SPINK1: variants seen among roughly 807,000 people sequenced by gnomAD.
SPINK1 encodes serine peptidase inhibitor Kazal type 1.
Under a neutral mutation model 9.5 loss-of-function variants are expected in SPINK1, and 5 were observed. The observed-to-expected ratio is 0.52, with a 90% confidence interval of 0.27 to 1.10. SPINK1 has a LOEUF of 1.10. Ranked by LOEUF, SPINK1 falls within the 50% of genes least tolerant of loss-of-function variation. The pLI is 0.11. For synonymous variants in SPINK1, 37 were observed against 32.3 expected, an observed-to-expected ratio of 1.14 and a Z score of -0.49; for missense variants, 88 against 92.7, an observed-to-expected ratio of 0.95 and a Z score of 0.21.
chr5:147,828,220 A>T, intron 2 of SPINK1, 92 bp from the exon 3 acceptor site: 5 of 943,082 alleles, frequency 5.3e-6, no homozygotes, highest in Non-Finnish European at 8.3e-6. Flanking sequence ...TCTCTGGGGA[A>T]TAACTGTGAT....
intron 3 of SPINK1, among the ~76,000 whole-genome samples, chr5:147,825,402 T>C (rs1276902397): frequency 6.6e-6 from 1 of 151,834 alleles, no homozygotes; most frequent in Admixed American, 6.6e-5. Context: ...ACATCTGACT[T>C]CCATATACTT....
At chr5:147,825,416 T>C (rs1330482443) in intron 3 of SPINK1, among the ~76,000 whole-genome samples, 9 of 150,968 alleles carry the variant, frequency 6.0e-5, no homozygotes, top group African/African-American at 2.2e-4. Flanking sequence ...TATACTTTTT[T>C]TTCTTTTTTT....
upstream of SPINK1, among the ~76,000 whole-genome samples, chr5:147,833,749 G>T (rs1227904185): frequency 6.6e-6 from 1 of 152,148 alleles, no homozygotes; most frequent in South Asian, 2.1e-4. Context: ...GGCCCATAGG[G>T]ATCTTTATGG....
At chr5:147,831,486 C>T in intron 1 of SPINK1, 37 bp downstream of exon 1, 1 of 1,611,944 alleles carries the variant, frequency 6.2e-7, no homozygotes, top group Non-Finnish European at 8.5e-7. Context: ...CAGGTCAAAA[C>T]AGTTTTATTT....
intron 3 of SPINK1, among the ~76,000 whole-genome samples, chr5:147,826,259 C>A (rs1292689554): frequency 6.6e-6 from 1 of 152,150 alleles, no homozygotes; most frequent in Non-Finnish European, 1.5e-5. Context: ...GCTTTAGTTA[C>A]TAGGTAATAA....
At chr5:147,832,700 C>T (rs1015069231), upstream of SPINK1, among the ~76,000 whole-genome samples, 5 of 152,124 alleles carry the variant, frequency 3.3e-5, no homozygotes, top group Non-Finnish European at 7.4e-5. Context: ...GAACAAATTC[C>T]AATACTCTGG....
chr5:147,830,948 C>A (rs947320255), intron 1 of SPINK1, among the ~76,000 whole-genome samples: 1 of 152,166 alleles, frequency 6.6e-6, no homozygotes, highest in South Asian at 2.1e-4. Context: ...ACACAAAATG[C>A]AATTTTTGTA....
intron 3 of SPINK1, 43 bp downstream of exon 3, chr5:147,827,979 A>T: frequency 6.9e-7 from 1 of 1,453,554 alleles, no homozygotes; most frequent in Non-Finnish European, 9.5e-7. Context: ...AAGATAACTA[A>T]CTTAAAATAT....
the SPINK1 span, among the ~76,000 whole-genome samples, chr5:147,837,657 C>CTTT: frequency 1.1e-5 from 1 of 89,186 alleles, no homozygotes; most frequent in Non-Finnish European, 2.4e-5. Context: ...TCTTTTCTTT[C>CTTT]TTTCTTTCTT....
upstream of SPINK1, among the ~76,000 whole-genome samples, chr5:147,833,617 C>G (rs535346438): frequency 6.6e-5 from 10 of 152,278 alleles, no homozygotes; most frequent in South Asian, 2.1e-3. Context: ...GGACACTTCT[C>G]ATTAGCTTCC....
chr5:147,837,686 T>TTTCTTTCTTTCTTTC, the SPINK1 span, among the ~76,000 whole-genome samples: 2 of 147,884 alleles, frequency 1.4e-5, no homozygotes, highest in Non-Finnish European at 3.0e-5. Flanking sequence ...TCTTTCTTTC[T>TTTCTTTCTTTCTTTC]TTCTTTCTTT....
intron 3 of SPINK1, among the ~76,000 whole-genome samples, chr5:147,825,366 T>C (rs1431991212): frequency 6.6e-6 from 1 of 152,146 alleles, no homozygotes; most frequent in Admixed American, 6.5e-5. Flanking sequence ...CTTACAAAAA[T>C]TCTTCTACTT....
intron 3 of SPINK1, among the ~76,000 whole-genome samples, chr5:147,825,063 T>C (rs1485166765): frequency 1.3e-5 from 2 of 152,194 alleles, no homozygotes; most frequent in Non-Finnish European, 2.9e-5. Context: ...CCATCTCAGC[T>C]GATGCCTGAG....
chr5:147,830,316 G>A, intron 1 of SPINK1, among the ~76,000 whole-genome samples: 1 of 152,124 alleles, frequency 6.6e-6, no homozygotes, highest in East Asian at 1.9e-4. Context: ...AAATAGCAGA[G>A]GTTTTGCTGA....
intron 1 of SPINK1, among the ~76,000 whole-genome samples, chr5:147,830,932 G>A (rs1215752311): frequency 6.6e-6 from 1 of 152,030 alleles, no homozygotes; most frequent in African/African-American, 2.4e-5. Context: ...AATGTGTAAT[G>A]TAAATACACA....
At chr5:147,835,696 T>C (rs1361181995), upstream of SPINK1, among the ~76,000 whole-genome samples, 4 of 152,110 alleles carry the variant, frequency 2.6e-5, no homozygotes, top group East Asian at 7.7e-4. Flanking sequence ...TAATACATGT[T>C]GGAATGGGGA....
chr5:147,836,656 A>T (rs1425505752), upstream of SPINK1, among the ~76,000 whole-genome samples: 1 of 151,826 alleles, frequency 6.6e-6, no homozygotes, highest in African/African-American at 2.4e-5. Context: ...AAAGAATTGC[A>T]TCACACACTA....
chr5:147,831,811 G>T (rs1283850632), upstream of SPINK1: 6 of 1,389,664 alleles, frequency 4.3e-6, no homozygotes, highest in East Asian at 1.6e-4. Flanking sequence ...CCTGAAACAT[G>T]CAAGGCAAAG....
At chr5:147,838,498 A>G in the SPINK1 span, among the ~76,000 whole-genome samples, 1 of 152,162 alleles carries the variant, frequency 6.6e-6, no homozygotes, top group African/African-American at 2.4e-5. Context: ...TTGCCAATTC[A>G]TATGATCTTT....
Sources: allele counts gnomAD v4.1 joint callset (sites outside exome capture counted in the v4.1 genomes callset), GRCh38; gene constraint gnomAD v4.1.1; transcripts MANE v1.5; gene names NCBI Gene and HGNC (gene_info 2026-07-23, HGNC 2026-07-21).